The following RGS7 variants were observed in gnomAD, a reference collection of about 807,000 sequenced individuals.
RGS7 encodes the protein regulator of G-protein signaling 7.
Under a neutral mutation model 81.1 loss-of-function variants are expected in RGS7, and 27 were observed. The ratio of observed to expected loss-of-function variants is 0.33; its 90% CI spans 0.25 to 0.46. The LOEUF (loss-of-function observed/expected upper bound fraction) is 0.46, where lower values mean the gene tolerates loss of function less well. Among genes scored for constraint, RGS7 ranks in the 20% least tolerant of loss-of-function variants. The pLI is 1.00. For synonymous variants in RGS7, 208 were observed against 207.7 expected, an observed-to-expected ratio of 1.00 and a Z score of -0.01; for missense variants, 396 against 607.4, an observed-to-expected ratio of 0.65 and a Z score of 3.66.
intron 2 of RGS7, among the ~76,000 whole-genome samples, chr1:241,172,955 C>T (rs188586950): frequency 2.6e-5 from 4 of 152,154 alleles, no homozygotes; most frequent in Non-Finnish European, 5.9e-5. Context: ...AAGAGAAAGC[C>T]GAGGAATTTG....
chr1:240,887,386 G>A (rs1042672420), intron 6 of RGS7, among the ~76,000 whole-genome samples: 3 of 151,948 alleles, frequency 2.0e-5, no homozygotes, highest in South Asian at 4.1e-4. Context: ...CTGCCACCAC[G>A]CCCGGCTCAT....
chr1:240,828,488 G>A (rs1693254812), intron 9 of RGS7, among the ~76,000 whole-genome samples: 1 of 152,230 alleles, frequency 6.6e-6, no homozygotes, highest in African/African-American at 2.4e-5. Flanking sequence ...AACGATCTCT[G>A]GTATTAGTAA....
At chr1:240,861,331 G>A (rs1011823904) in intron 9 of RGS7, among the ~76,000 whole-genome samples, 23 of 152,054 alleles carry the variant, frequency 1.5e-4, no homozygotes, top group Admixed American at 7.9e-4. Context: ...TTTGTTGAAT[G>A]CTTGGCATGC....
intron 2 of RGS7, among the ~76,000 whole-genome samples, chr1:241,125,910 G>GA (rs747790352): frequency 8.9e-4 from 136 of 152,124 alleles, no homozygotes; most frequent in Non-Finnish European, 1.5e-3. Context: ...CCAATGAGAG[G>GA]AAAAAATGCC....
At chr1:241,101,804 A>G (rs1009963241) in intron 2 of RGS7, among the ~76,000 whole-genome samples, 2 of 152,216 alleles carry the variant, frequency 1.3e-5, no homozygotes, top group Admixed American at 6.5e-5. Context: ...AGGCTGGATT[A>G]GAGGGACATG....
chr1:241,043,541 T>A (rs945206659), intron 3 of RGS7, among the ~76,000 whole-genome samples: 27 of 146,004 alleles, frequency 1.8e-4, no homozygotes, highest in African/African-American at 6.8e-4. Flanking sequence ...TATAGATATA[T>A]CATATATAAT....
At chr1:241,088,450 A>G (rs567987556) in intron 3 of RGS7, among the ~76,000 whole-genome samples, 2 of 152,244 alleles carry the variant, frequency 1.3e-5, no homozygotes, top group East Asian at 3.9e-4. Context: ...AAAGCAGGAC[A>G]TAGGTAAACG....
At chr1:240,828,375 T>C (rs1408210565) in intron 9 of RGS7, among the ~76,000 whole-genome samples, 2 of 152,146 alleles carry the variant, frequency 1.3e-5, no homozygotes, top group Non-Finnish European at 2.9e-5. Flanking sequence ...AAATACATAG[T>C]AGCTTAAATG....
intron 4 of RGS7, among the ~76,000 whole-genome samples, chr1:240,969,628 C>A (rs1682879331): frequency 1.3e-5 from 2 of 152,174 alleles, no homozygotes; most frequent in Admixed American, 6.5e-5. Context: ...ATTTAAAAAA[C>A]CAATCAGATA....
At chr1:240,790,101 G>A (rs960789370) in intron 18 of RGS7, among the ~76,000 whole-genome samples, 4 of 151,924 alleles carry the variant, frequency 2.6e-5, no homozygotes, top group Admixed American at 2.0e-4. Flanking sequence ...GCCCAATAGC[G>A]CATGCCTGTA....
At chr1:241,248,207 C>A (rs1193404543) in intron 2 of RGS7, among the ~76,000 whole-genome samples, 1 of 151,848 alleles carries the variant, frequency 6.6e-6, no homozygotes, top group Non-Finnish European at 1.5e-5. Context: ...ATTTATACAA[C>A]CATGTGCACC....
chr1:240,869,777 TA>T (rs1320010555), intron 7 of RGS7, among the ~76,000 whole-genome samples: 1 of 152,038 alleles, frequency 6.6e-6, no homozygotes, highest in Non-Finnish European at 1.5e-5. Flanking sequence ...CAGTCTCTAC[TA>T]AAAATACAAA....
At chr1:241,314,202 A>G (rs1325097932) in intron 2 of RGS7, among the ~76,000 whole-genome samples, 4 of 152,250 alleles carry the variant, frequency 2.6e-5, no homozygotes, top group African/African-American at 9.6e-5. Flanking sequence ...CTCAAACAGC[A>G]TAACATGCAA....
intron 2 of RGS7, 27 bp downstream of exon 2, chr1:241,355,672 T>C: frequency 6.2e-7 from 1 of 1,604,064 alleles, no homozygotes; most frequent in Non-Finnish European, 8.5e-7. Flanking sequence ...AGTTTCCCGT[T>C]TTCCAAGAAA....
chr1:241,263,576 G>A (rs2077446003), intron 2 of RGS7, among the ~76,000 whole-genome samples: 1 of 152,060 alleles, frequency 6.6e-6, no homozygotes, highest in African/African-American at 2.4e-5. Context: ...TATTTACAGG[G>A]TGCCTGGCAT....
chr1:241,273,175 A>ACCCC (rs56000973), intron 2 of RGS7, among the ~76,000 whole-genome samples: 182 of 105,084 alleles, frequency 1.7e-3, no homozygotes, highest in Middle Eastern at 5.2e-3. Context: ...ATAATAATGA[A>ACCCC]CCCCCCCCCC....
chr1:241,068,696 T>C (rs1001406129), intron 3 of RGS7, among the ~76,000 whole-genome samples: 2 of 151,524 alleles, frequency 1.3e-5, no homozygotes, highest in African/African-American at 4.9e-5. Context: ...GGAAGCAGTG[T>C]AGTTTATTTT....
chr1:240,976,115 A>G (rs1684027156), intron 4 of RGS7, among the ~76,000 whole-genome samples: 1 of 152,276 alleles, frequency 6.6e-6, no homozygotes, highest in African/African-American at 2.4e-5. Flanking sequence ...AGTGCCAGAT[A>G]TGCCAAAAAT....
At chr1:241,219,229 C>G (rs907419852) in intron 2 of RGS7, among the ~76,000 whole-genome samples, 1 of 152,142 alleles carries the variant, frequency 6.6e-6, no homozygotes, top group Admixed American at 6.5e-5. Context: ...GTAACTGAAT[C>G]ATGAGGGCAA....
Sources: allele counts gnomAD v4.1 joint callset (sites outside exome capture counted in the v4.1 genomes callset), GRCh38; gene constraint gnomAD v4.1.1; transcripts MANE v1.5; gene names NCBI Gene and HGNC (gene_info 2026-07-23, HGNC 2026-07-21).